The following JAK2 variants were observed in gnomAD, a reference collection of about 807,000 sequenced individuals.
JAK2 encodes the protein tyrosine-protein kinase JAK2.
Under a neutral mutation model 139.3 loss-of-function variants are expected in JAK2, and 86 were observed. The ratio of observed to expected loss-of-function variants is 0.62; its 90% CI spans 0.52 to 0.74. The LOEUF is 0.74. Among genes scored for constraint, JAK2 ranks in the 30% least tolerant of loss-of-function variants. The pLI is 0.00. For missense variants in JAK2, 1,421 were observed against 1,360.3 expected (o/e 1.04, Z -0.70); for synonymous variants, 490 against 437.7 (o/e 1.12, Z -1.49).
At chr9:5,000,077 TTTA>T (rs998905675) in intron 2 of JAK2, among the ~76,000 whole-genome samples, 2 of 152,172 alleles carry the variant, frequency 1.3e-5, no homozygotes, top group Non-Finnish European at 2.9e-5. Flanking sequence ...GAAATGCCTA[TTTA>T]TGTTCATTTT....
chr9:5,125,481 C>T (rs1454309001), intron 23 of JAK2, among the ~76,000 whole-genome samples: 1 of 151,250 alleles, frequency 6.6e-6, no homozygotes, highest in African/African-American at 2.4e-5. Flanking sequence ...AGTGAACATC[C>T]TCATGCATAA....
chr9:4,992,327 T>C (rs1820302456), intron 2 of JAK2, among the ~76,000 whole-genome samples: 2 of 152,194 alleles, frequency 1.3e-5, no homozygotes, highest in African/African-American at 4.8e-5. Context: ...AGCATAAATC[T>C]TTTATGATTT....
At chr9:5,024,695 T>C (rs1300000881) in intron 3 of JAK2, among the ~76,000 whole-genome samples, 1 of 152,196 alleles carries the variant, frequency 6.6e-6, no homozygotes, top group African/African-American at 2.4e-5. Flanking sequence ...CTGCCCCAGA[T>C]AGCAACAGCT....
intron 13 of JAK2, among the ~76,000 whole-genome samples, chr9:5,072,833 T>TG (rs1819061655): frequency 6.6e-6 from 1 of 152,212 alleles, no homozygotes; most frequent in Non-Finnish European, 1.5e-5. Context: ...AAACTAATTA[T>TG]GTTTAGCATT....
intron 23 of JAK2, among the ~76,000 whole-genome samples, chr9:5,124,498 A>G (rs577316872): frequency 3.3e-5 from 5 of 151,890 alleles, no homozygotes; most frequent in African/African-American, 9.6e-5. Context: ...CAATCTGCAG[A>G]TTCAATGCAG....
chr9:5,015,241 A>G (rs79635405), intron 2 of JAK2, among the ~76,000 whole-genome samples: 13,582 of 152,200 alleles, frequency 0.089, 1,776 homozygotes, highest in African/African-American at 0.29. Context: ...ATATTCTTGT[A>G]ATGTGTCTCT....
intron 2 of JAK2, among the ~76,000 whole-genome samples, chr9:5,009,078 G>A (rs1422016728): frequency 1.3e-5 from 2 of 152,050 alleles, no homozygotes; most frequent in African/African-American, 4.8e-5. Context: ...ACAGCCACTT[G>A]CAAACTTTAA....
intron 5 of JAK2, among the ~76,000 whole-genome samples, chr9:5,046,379 G>A (rs1193244907): frequency 6.6e-6 from 1 of 152,012 alleles, no homozygotes; most frequent in African/African-American, 2.4e-5. Flanking sequence ...TCTGTTGCTT[G>A]TCTTTTGATG....
At position 5,017,384 on chromosome 9, in the gene JAK2, C is replaced by T. The variant is rs62541532; in HGVS notation, c.-25-4579C>T. ...TGATAAAATTCTAGCAAATTTACTC[C>T]TTAATGCTAAGAACTTCGTTTAAAT... On this transcript the variant is annotated intron_variant, in intron 2 of 24. Transcript: ENST00000381652. Among the ~76,000 whole-genome samples the T allele has an allele frequency of 5.3e-5, 8 of 152,088 alleles. No homozygotes were observed. The East Asian group carries it at 1.2e-3, about 22-fold the overall frequency.
chr9:5,053,863 G>A (rs115646161), intron 6 of JAK2, among the ~76,000 whole-genome samples: 4,042 of 152,094 alleles, frequency 0.027, 214 homozygotes, highest in African/African-American at 0.093. Flanking sequence ...TGAGTAACTA[G>A]ATAGGAGATG....
chr9:5,083,160 A>G (rs572314974), intron 19 of JAK2, among the ~76,000 whole-genome samples: 8 of 152,194 alleles, frequency 5.3e-5, no homozygotes, highest in Non-Finnish European at 8.8e-5. Flanking sequence ...AAAGGAATAC[A>G]TAAGCTTTTC....
intron 11 of JAK2, 26 bp downstream of exon 11, chr9:5,069,234 A>G: frequency 6.7e-7 from 1 of 1,487,746 alleles, no homozygotes; most frequent in African/African-American, 1.4e-5. Flanking sequence ...AGTTATTTTT[A>G]AATTACTGGT....
At chr9:5,015,020 A>G (rs1032388259) in intron 2 of JAK2, among the ~76,000 whole-genome samples, 1 of 152,140 alleles carries the variant, frequency 6.6e-6, no homozygotes, top group Non-Finnish European at 1.5e-5. Flanking sequence ...AATTTAGAAA[A>G]ACGGTATTTT....
chr9:5,064,375 CA>C (rs1324114743), intron 8 of JAK2, among the ~76,000 whole-genome samples: 4 of 151,918 alleles, frequency 2.6e-5, no homozygotes, highest in East Asian at 1.9e-4. Context: ...ACTAAAAATA[CA>C]AAAATTAGCT....
intron 22 of JAK2, chr9:5,110,710 T>A (rs971395345): frequency 2.9e-6 from 1 of 345,182 alleles, no homozygotes; most frequent in East Asian, 7.2e-5. Context: ...TACTGCCACC[T>A]CCTTAACTGC....
intron 2 of JAK2, among the ~76,000 whole-genome samples, chr9:4,996,934 T>C (rs1820603351): frequency 6.9e-6 from 1 of 144,740 alleles, no homozygotes; most frequent in South Asian, 2.2e-4. Flanking sequence ...TGTTCTTTTT[T>C]TTTTTTTTTT....
Position 5,047,531 on chromosome 9 carries a change from T to A in JAK2, c.468+3011T>A, listed in dbSNP as rs112529808. Reference sequence around the variant, plus strand: ...ACAACAATTGGATGTTTACCTCATGTTCTTGGCATCATTTCTGATTTTGTG... The same window carrying A: ...ACAACAATTGGATGTTTACCTCATGATCTTGGCATCATTTCTGATTTTGTG... On this transcript the variant is annotated intron_variant, in intron 5 of 24. Coordinates refer to ENST00000381652, the MANE Select transcript of JAK2 (RefSeq NM_004972.4). Among the ~76,000 whole-genome samples the A allele has an allele frequency of 2.1e-3, 325 of 152,388 alleles. 5 individuals carry two copies. The highest frequency in any genetic ancestry group is 0.017 in the Middle Eastern group (5 of 294).
chr9:5,048,411 G>A (rs1029304365), intron 5 of JAK2, among the ~76,000 whole-genome samples: 1 of 152,122 alleles, frequency 6.6e-6, no homozygotes, highest in Non-Finnish European at 1.5e-5. Context: ...AAAGTGCTGG[G>A]ATTACAGGTG....
intron 5 of JAK2, among the ~76,000 whole-genome samples, chr9:5,047,968 GTATT>G (rs1314432975): frequency 6.6e-6 from 1 of 152,070 alleles, no homozygotes; most frequent in Non-Finnish European, 1.5e-5. Context: ...TTAAGGAATA[GTATT>G]TATTATGTTT....
Sources: gnomAD v4.1 joint callset for allele counts (sites outside exome capture counted in the v4.1 genomes callset) on GRCh38, gnomAD v4.1.1 for gene constraint, MANE v1.5 for transcripts, NCBI Gene and HGNC (gene_info 2026-07-23, HGNC 2026-07-21) for gene names.